Variants in DYNC2H1 observed in about 807,000 individuals in gnomAD.
DYNC2H1 encodes dynein cytoplasmic 2 heavy chain 1.
In DYNC2H1, 410 loss-of-function variants were observed where a neutral mutation model predicts 570.0. The ratio of observed to expected loss-of-function variants is 0.72; its 90% CI spans 0.66 to 0.78. DYNC2H1 has a LOEUF of 0.78. Ranked by LOEUF, DYNC2H1 falls within the 30% of genes least tolerant of loss-of-function variation. The pLI, the probability that DYNC2H1 is intolerant of heterozygous loss-of-function variation, is 0.00. For synonymous variants in DYNC2H1, 1,688 were observed against 1,677.6 expected (o/e 1.01, Z -0.15); for missense variants, 4,865 against 5,046.4 (o/e 0.96, Z 1.09).
chr11:103,111,903 A>T (rs1161568932), intron 1 of DYNC2H1, among the ~76,000 whole-genome samples: 1 of 152,240 alleles, frequency 6.6e-6, no homozygotes, highest in Non-Finnish European at 1.5e-5. Context: ...GGACAAAGCC[A>T]TGAACACAGA....
intron 65 of DYNC2H1, among the ~76,000 whole-genome samples, chr11:103,251,980 G>T (rs1437267626): frequency 6.9e-6 from 1 of 145,292 alleles, no homozygotes; most frequent in African/African-American, 2.7e-5. Context: ...CTTGAGTACA[G>T]TGGTGTGATC....
chr11:103,387,319 A>T (rs1167072161), intron 83 of DYNC2H1, among the ~76,000 whole-genome samples: 1 of 152,184 alleles, frequency 6.6e-6, no homozygotes, highest in Non-Finnish European at 1.5e-5. Context: ...GTGTCTGTTC[A>T]TATCCTTCAC....
In DYNC2H1 at chr11:103,305,580, A is replaced by T. The variant is rs3902306; in HGVS notation, c.11382+860A>T. 0.17 allele frequency among the ~76,000 whole-genome samples: 26,294 copies of T among 152,122 alleles called. 2,468 individuals carry two copies. Among genetic ancestry groups the T allele is most frequent in the Admixed American group, 0.26 (3,959 of 15,256 alleles). The stretch of plus-strand genomic sequence containing the variant: ...GAAGTTAGTAATTAATTAATTAATT[A>T]ATTTTTTCTGGCAGTGGTATATAGA... On this transcript the variant is annotated intron_variant, in intron 77 of 88. Transcript: ENST00000375735. The surrounding 1 kb of genome is among the most constrained non-coding windows in gnomAD (Gnocchi z 4.3).
chr11:103,133,512 A>G lies in DYNC2H1; in HGVS notation c.1954-43A>G. Reference sequence around the variant, plus strand: ...ATAGAATATTGAAACTTTTGGAAAAAAGAAATACTTATACATACTAAAGGT... The same window carrying G: ...ATAGAATATTGAAACTTTTGGAAAAGAGAAATACTTATACATACTAAAGGT... On this transcript the variant is annotated intron_variant, in intron 13 of 88. Transcript: ENST00000375735. This position sits in a 1 kb window ranked among gnomAD's most constrained non-coding sequence, Gnocchi z 4.8. 2 of 1,536,406 alleles carry G rather than the reference A, an allele frequency of 1.3e-6. No homozygotes were observed. The highest frequency in any genetic ancestry group is 2.6e-5 in the South Asian group (2 of 77,364).
chr11:103,442,897 T>G (rs760545503), intron 85 of DYNC2H1, among the ~76,000 whole-genome samples: 30 of 151,948 alleles, frequency 2.0e-4, no homozygotes, highest in Admixed American at 2.0e-4. Context: ...CCAGTGATTG[T>G]TAGTAATATC....
intron 84 of DYNC2H1, among the ~76,000 whole-genome samples, chr11:103,429,912 A>T (rs1047415993): frequency 6.6e-6 from 1 of 152,178 alleles, no homozygotes; most frequent in African/African-American, 2.4e-5. Context: ...GTTTGAAATA[A>T]ATTGCAGTTA....
chr11:103,251,930 CA>C (rs1252713374), intron 65 of DYNC2H1, among the ~76,000 whole-genome samples: 2 of 151,654 alleles, frequency 1.3e-5, no homozygotes, highest in Non-Finnish European at 2.9e-5. Context: ...CTTTTCCTTT[CA>C]TTTTTTTAGA....
intron 50 of DYNC2H1, 50 bp downstream of exon 50, chr11:103,200,204 T>C (rs1032878393): frequency 1.5e-6 from 2 of 1,330,532 alleles, no homozygotes; most frequent in African/African-American, 3.0e-5. Context: ...GGCATAAAAA[T>C]TATCCAAGTA....
In DYNC2H1 at chr11:103,158,728, T is replaced by G; in HGVS notation, c.4179T>G (p.Thr1393=). 6.5e-7 allele frequency: 1 copy of G among 1,528,586 alleles called. No homozygotes were observed. The highest frequency in any genetic ancestry group is 8.9e-7 in the Non-Finnish European group (1 of 1,128,564). The allele number at this position is 1,528,586 out of a possible 1,614,324, so 94.7% of individuals were successfully genotyped here. ...ACAATAGAGTCACAACATTAACTACTCATGCTGGAATAAGAAATTCTCTAC... is the reference window on the plus strand; with the variant it reads ...ACAATAGAGTCACAACATTAACTACGCATGCTGGAATAAGAAATTCTCTAC... The part of the protein sequence containing the change: ...KKDNRVTTLT[T]HAGIRNSLLT... Residue 1393 remains threonine (T), a synonymous_variant, in exon 27 of 89, where the codon ACT becomes ACG. Transcript: ENST00000375735.
At chr11:103,375,174 A>G (rs1175233317) in intron 83 of DYNC2H1, among the ~76,000 whole-genome samples, 2 of 152,144 alleles carry the variant, frequency 1.3e-5, no homozygotes, top group African/African-American at 2.4e-5. Context: ...CAACTTCCAC[A>G]TGGTGTTGGG....
intron 84 of DYNC2H1, among the ~76,000 whole-genome samples, chr11:103,420,286 G>A (rs949846297): frequency 1.3e-5 from 2 of 152,056 alleles, no homozygotes; most frequent in African/African-American, 4.8e-5. Context: ...TTCAAGAAAT[G>A]TAGAGAACCT....
chr11:103,166,990 C>CTTTTTTT (rs34816989), intron 31 of DYNC2H1, among the ~76,000 whole-genome samples: 4 of 56,986 alleles, frequency 7.0e-5, no homozygotes, highest in Admixed American at 2.6e-4. Context: ...GAGGCGCTGC[C>CTTTTTTT]TTTTTTTTTT....
intron 83 of DYNC2H1, among the ~76,000 whole-genome samples, chr11:103,385,416 G>GT (rs150869488): frequency 0.057 from 8,599 of 150,760 alleles, 271 homozygotes; most frequent in Non-Finnish European, 0.077. Context: ...CTGGTTCACT[G>GT]TTTTTTTTCA....
Position 103,326,583 on chromosome 11 carries a change from G to T in DYNC2H1, c.12039+2593G>T, listed in dbSNP as rs1938495579. On this transcript the variant is annotated intron_variant, in intron 82 of 88. Coordinates refer to ENST00000375735, the MANE Select transcript of DYNC2H1 (RefSeq NM_001377.3). This position sits in a 1 kb window ranked among gnomAD's most constrained non-coding sequence, Gnocchi z 6.1. ...TCCGGGGACACTGGAACAGCCCTTG[G>T]CTTGGGGTCAGACTCTGGCAGCACT... Among the ~76,000 whole-genome samples the T allele has an allele frequency of 6.6e-6, 1 of 152,208 alleles. No individual in the cohort carries two copies. The highest frequency in any genetic ancestry group is 2.4e-5 in the African/African-American group (1 of 41,462).
At chr11:103,371,446 C>G (rs1464808518) in intron 83 of DYNC2H1, among the ~76,000 whole-genome samples, 1 of 151,972 alleles carries the variant, frequency 6.6e-6, no homozygotes, top group Non-Finnish European at 1.5e-5. Context: ...TATTCACATA[C>G]AAGAAGGTTG....
chr11:103,299,674 C>G lies in DYNC2H1; in HGVS notation c.11096-3419C>G, dbSNP rs896439536. Among the ~76,000 whole-genome samples, 4 of 152,038 alleles carry G rather than the reference C, an allele frequency of 2.6e-5. No homozygotes were observed. The highest frequency in any genetic ancestry group is 7.2e-5 in the African/African-American group (3 of 41,430). The stretch of plus-strand genomic sequence containing the variant: ...TTGACTCTAACAAGAGAAACTGCTC[C>G]GCTTTCAAGGGGTCAATTGATTAGC... On this transcript the variant is annotated intron_variant, in intron 75 of 88. Coordinates refer to ENST00000375735, the MANE Select transcript of DYNC2H1 (RefSeq NM_001377.3). This position sits in a 1 kb window ranked among gnomAD's most constrained non-coding sequence, Gnocchi z 4.5.
Position 103,163,784 on chromosome 11 carries a change from G to T in DYNC2H1, c.4611+637G>T, listed in dbSNP as rs1341303894. On this transcript the variant is annotated intron_variant, in intron 30 of 88. Coordinates refer to ENST00000375735, the MANE Select transcript of DYNC2H1 (RefSeq NM_001377.3). This position sits in a 1 kb window ranked among gnomAD's most constrained non-coding sequence, Gnocchi z 4.6. ...GTCATCAGGAACTTTAGTTCTTAGG[G>T]ACTGTGGATGGTAGACATTGGGATG... Among the ~76,000 whole-genome samples the T allele has an allele frequency of 1.3e-5, 2 of 152,078 alleles. No individual in the cohort carries two copies. The highest frequency in any genetic ancestry group is 6.5e-5 in the Admixed American group (1 of 15,274).
At chr11:103,273,875 AG>A (rs997783852) in intron 70 of DYNC2H1, among the ~76,000 whole-genome samples, 3 of 152,172 alleles carry the variant, frequency 2.0e-5, no homozygotes, top group Admixed American at 2.0e-4. Context: ...ACCAGATAAC[AG>A]GAGAAGGGTA....
At chr11:103,286,108 C>T (rs546009823) in intron 73 of DYNC2H1, 147 bp from the exon 74 acceptor site, 4 of 1,111,594 alleles carry the variant, frequency 3.6e-6, no homozygotes, top group Non-Finnish European at 5.1e-6. Flanking sequence ...AGTTGCCAAC[C>T]TAGAAATAAT....
Sources: allele counts gnomAD v4.1 joint callset (sites outside exome capture counted in the v4.1 genomes callset), GRCh38; gene constraint gnomAD v4.1.1; non-coding constraint Gnocchi (gnomAD v3.1); transcripts MANE v1.5; gene names NCBI Gene and HGNC (gene_info 2026-07-23, HGNC 2026-07-21).